Variants in GFRA3 observed in about 807,000 individuals in gnomAD.
GFRA3 encodes GDNF family receptor alpha 3.
GFRA3 carries 24 observed loss-of-function variants against 40.0 expected under a neutral mutation model. The observed-to-expected ratio is 0.60, with a 90% CI of 0.43 to 0.84. The LOEUF (loss-of-function observed/expected upper bound fraction) is 0.84, where lower values mean the gene tolerates loss of function less well. Ranked by LOEUF, GFRA3 falls within the 40% of genes least tolerant of loss-of-function variation. The pLI, the probability that GFRA3 is intolerant of heterozygous loss-of-function variation, is 0.00. For missense variants in GFRA3, 405 were observed against 530.6 expected (o/e 0.76, Z 2.33); for synonymous variants, 203 against 213.5 (o/e 0.95, Z 0.43).
chr5:138,274,353 C>A lies in GFRA3; in HGVS notation c.72G>T (p.Ser24=). 1.5e-6 allele frequency: 2 copies of A among 1,339,778 alleles called. No homozygotes were observed. The highest frequency in any genetic ancestry group is 1.9e-6 in the Non-Finnish European group (2 of 1,040,714). 83.0% of individuals were successfully genotyped at this position (1,339,778 alleles called of 1,614,324 possible). ...ACTCACCGGCTGCGAGAGGCAGCGG[C>A]GACGGCGGCAGCAGCAGCAGCAACA... ...VLMLLLLLPP[S]PLPLAAGDPL... is the part of the protein sequence containing the mutation. Residue 24 remains serine (S), a synonymous_variant, in exon 1 of 8, where the codon TCG becomes TCT. Coordinates refer to ENST00000274721, the MANE Select transcript of GFRA3 (RefSeq NM_001496.4).
At chr5:138,267,951 A>G (rs2126619212) in intron 1 of GFRA3, among the ~76,000 whole-genome samples, 1 of 152,302 alleles carries the variant, frequency 6.6e-6, no homozygotes, top group South Asian at 2.1e-4. Context: ...GGAGAATGAA[A>G]CTGGGTCCTC....
At position 138,253,066 on chromosome 5, in the gene GFRA3, G is replaced by T. The variant is rs773462574; in HGVS notation, c.1114-9C>A. ...ACAGCAGGGTTTTCATTCTGTGGAA[G>T]AAATGGAATGGAGTTAGCTCAGGGG... is the stretch of plus-strand genomic sequence containing the variant. On this transcript the variant is annotated splice_polypyrimidine_tract_variant and intron_variant, in intron 7 of 7. Transcript: ENST00000274721. The T allele has an allele frequency of 3.3e-5, 50 of 1,503,138 alleles. No individual in the cohort carries two copies. In the East Asian group the frequency reaches 1.1e-3, roughly 34 times the overall value. The allele number at this position is 1,503,138 out of a possible 1,614,324, so 93.1% of individuals were successfully genotyped here. A position where few individuals can be genotyped will look rare whatever the true frequency, so the allele number is the denominator to read the frequency against.
intron 4 of GFRA3, 21 bp downstream of exon 4, chr5:138,257,618 C>T: frequency 6.3e-7 from 1 of 1,596,140 alleles, no homozygotes. Flanking sequence ...CCTGCCCACC[C>T]TGTCCTCCCA....
chr5:138,260,000 G>C (rs561276567), intron 2 of GFRA3, among the ~76,000 whole-genome samples: 1 of 152,260 alleles, frequency 6.6e-6, no homozygotes, highest in African/African-American at 2.4e-5. Flanking sequence ...AGAAGCCTCT[G>C]AGGAAGTTCG....
At position 138,257,784 on chromosome 5, in the gene GFRA3, C is replaced by T. The variant is rs1316117660; in HGVS notation, c.640G>A (p.Gly214Ser). ...FEKAAEPHAQ[G>S]LLLCPCAPND... ...GGGGCACATGGGCACAGTAGCAGGC[C>T]CTGCGCGTGGGGCTCGGCGGCCTTC... Residue 214 changes from glycine to serine, a missense_variant, in exon 4 of 8, where the codon GGC (glycine) becomes AGC (serine). By Grantham distance (56) the Gly-to-Ser change is moderately conservative (BLOSUM62 0). Coordinates refer to ENST00000274721, the MANE Select transcript of GFRA3 (RefSeq NM_001496.4). 6.2e-7 allele frequency: 1 copy of T among 1,612,640 alleles called. No individual in the cohort carries two copies.
At chr5:138,260,810 T>C (rs1262084390) in intron 2 of GFRA3, among the ~76,000 whole-genome samples, 1 of 148,350 alleles carries the variant, frequency 6.7e-6, no homozygotes, top group Non-Finnish European at 1.5e-5. Flanking sequence ...GGAATATTCC[T>C]TGAACCTAGG....
Position 138,257,652 on chromosome 5 carries a change from C to A in GFRA3, c.772G>T (p.Asp258Tyr). The change falls in exon 4 of 8, where the codon GAC (aspartate) becomes TAC (tyrosine). Residue 258 changes from aspartate (D) to tyrosine (Y), a missense_variant. Asp to Tyr is a radical substitution (Grantham distance 160). Coordinates refer to ENST00000274721, the MANE Select transcript of GFRA3 (RefSeq NM_001496.4). The stretch of plus-strand genomic sequence containing the variant: ...CAAACTACACACCTGCAAAGCGGGT[C>A]GGAGAAGCAGAGGCGCCGCAGCTCC... ...CLELRRLCFS[D>Y]PLCRSRLVDF... 6.2e-7 allele frequency: 1 copy of A among 1,609,346 alleles called. No homozygotes were observed. Among genetic ancestry groups the A allele is most frequent in the Non-Finnish European group, 8.5e-7 (1 of 1,178,920 alleles).
chr5:138,257,744 C>A lies in GFRA3; in HGVS notation c.680G>T (p.Cys227Phe), dbSNP rs1194546853. 1 of 1,609,798 alleles carries A rather than the reference C, an allele frequency of 6.2e-7. No individual in the cohort carries two copies. The highest frequency in any genetic ancestry group is 2.2e-5 in the East Asian group (1 of 44,798). Residue 227 changes from cysteine (C) to phenylalanine (F), a missense_variant, in exon 4 of 8, where the codon TGC becomes TTC. By Grantham distance (205) the Cys-to-Phe change is radical. Coordinates refer to ENST00000274721, the MANE Select transcript of GFRA3 (RefSeq NM_001496.4). ...GATGGTGTTGCGCCGGCGCTCCCCG[C>A]AGCCCCGGTCGTTGGGGGCACATGG... ...LCPCAPNDRG[C>F]GERRRNTIAP...
In GFRA3 at chr5:138,274,405, G is replaced by T. The variant is rs895960403; in HGVS notation, c.20C>A (p.Pro7Gln). The T allele has an allele frequency of 2.3e-6, 3 of 1,310,332 alleles. No individual in the cohort carries two copies. The highest frequency in any genetic ancestry group is 3.8e-5 in the Admixed American group (1 of 26,616). 81.2% of individuals were successfully genotyped at this position (1,310,332 alleles called of 1,614,324 possible). The change falls in exon 1 of 8, where the codon CCG becomes CAG. Residue 7 changes from proline to glutamine, a missense_variant. Pro to Gln is a moderately conservative substitution (Grantham distance 76, BLOSUM62 -1). Transcript: ENST00000274721. MVRPLN[P>Q]RPLPPVVLML... ...CAGGACTACGGGCGGCAGCGGTCGC[G>T]GGTTCAGGGGGCGCACCATGGCGAG...
intron 1 of GFRA3, among the ~76,000 whole-genome samples, chr5:138,266,249 A>G (rs1221232189): frequency 6.6e-6 from 1 of 152,158 alleles, no homozygotes; most frequent in East Asian, 1.9e-4. Flanking sequence ...GAACCGCCAA[A>G]TTGTTTTTCA....
chr5:138,271,913 T>TTTTG lies in GFRA3; in HGVS notation c.91+2420_91+2421insCAAA, dbSNP rs59830655. 3.5e-4 allele frequency among the ~76,000 whole-genome samples: 19 copies of TTTTG among 54,330 alleles called. 1 individual carries two copies. Among genetic ancestry groups the TTTTG allele is most frequent in the South Asian group, 2.2e-3 (2 of 904 alleles). 35.6% of individuals were successfully genotyped at this position (54,330 alleles called of 152,430 possible). A position where few individuals can be genotyped will look rare whatever the true frequency, so the allele number is the denominator to read the frequency against. On this transcript the variant is annotated intron_variant, in intron 1 of 7. Transcript: ENST00000274721. ...TTCTGTTTTTTTTTTTTTTTTTTTT[T>TTTTG]TGTGTGTGTGTGTGTGTGTGTGTGT...
chr5:138,274,389 G>C lies in GFRA3; in HGVS notation c.36C>G (p.Pro12=). 2 of 1,319,140 alleles carry C rather than the reference G, an allele frequency of 1.5e-6. No homozygotes were observed. Among genetic ancestry groups the C allele is most frequent in the East Asian group, 3.0e-5 (1 of 32,890 alleles). The allele number at this position is 1,319,140 out of a possible 1,614,324, so 81.7% of individuals were successfully genotyped here. A position where few individuals can be genotyped will look rare whatever the true frequency, so the allele number is the denominator to read the frequency against. ...GCAGCAGCAGCAACATCAGGACTAC[G>C]GGCGGCAGCGGTCGCGGGTTCAGGG... ...VRPLNPRPLP[P]VVLMLLLLLP... Residue 12 remains proline, a synonymous_variant, in exon 1 of 8, where the codon CCC becomes CCG. Transcript: ENST00000274721.
At position 138,252,871 on chromosome 5, in the gene GFRA3, CT is replaced by C. The variant is rs1289916637; in HGVS notation, c.*96del. ...CTTCTCCTGTGCCCTCATCTGCGCA[CT>C]GCACCTCCTTCCTGCTGCTGTCCTT... On this transcript the variant is annotated 3_prime_UTR_variant, in exon 8 of 8. Coordinates refer to ENST00000274721, the MANE Select transcript of GFRA3 (RefSeq NM_001496.4). The C allele has an allele frequency of 2.8e-6, 2 of 708,162 alleles. No individual in the cohort carries two copies. Among genetic ancestry groups the C allele is most frequent in the Non-Finnish European group, 5.1e-6 (2 of 391,292 alleles). The allele number at this position is 708,162 out of a possible 1,614,324, so 43.9% of individuals were successfully genotyped here.
Position 138,257,953 on chromosome 5 carries a change from TG to T in GFRA3, c.473-3del, listed in dbSNP as rs772227258. 244 of 1,613,442 alleles carry T rather than the reference TG, an allele frequency of 1.5e-4. No homozygotes were observed. Among genetic ancestry groups the T allele is most frequent in the Admixed American group, 1.7e-4 (10 of 59,956 alleles). On this transcript the variant is annotated splice_polypyrimidine_tract_variant and splice_region_variant and intron_variant, in intron 3 of 7. Coordinates refer to ENST00000274721, the MANE Select transcript of GFRA3 (RefSeq NM_001496.4). The stretch of plus-strand genomic sequence containing the variant: ...CAAACTTGAGGCAGAGGTCTGAGTC[TG>T]GGGGGAAAGGGCACGGAGTCAGTCG...
At chr5:138,271,860 G>T (rs1241144119) in intron 1 of GFRA3, among the ~76,000 whole-genome samples, 1 of 141,644 alleles carries the variant, frequency 7.1e-6, no homozygotes, top group African/African-American at 2.8e-5. Flanking sequence ...TTATAGGCGT[G>T]AGCCACCATT....
At position 138,271,892 on chromosome 5, in the gene GFRA3, G is replaced by GTTTT. The variant is rs772736464; in HGVS notation, c.91+2438_91+2441dup. 3.9e-4 allele frequency among the ~76,000 whole-genome samples: 23 copies of GTTTT among 59,680 alleles called. 1 individual carries two copies. The highest frequency in any genetic ancestry group is 1.1e-3 in the African/African-American group (11 of 10,348). The allele number at this position is 59,680 out of a possible 152,430, so 39.2% of individuals were successfully genotyped here. A position where few individuals can be genotyped will look rare whatever the true frequency, so the allele number is the denominator to read the frequency against. Reference sequence around the variant, plus strand: ...CATTCCCGGCAGTATTTTCTTTTCTGTTTTTTTTTTTTTTTTTTTTTTGTG... The same window carrying GTTTT: ...CATTCCCGGCAGTATTTTCTTTTCTGTTTTTTTTTTTTTTTTTTTTTTTTTTGTG... On this transcript the variant is annotated intron_variant, in intron 1 of 7. Transcript: ENST00000274721.
intron 3 of GFRA3, 35 bp from the exon 4 acceptor site, chr5:138,257,986 C>T: frequency 1.3e-6 from 2 of 1,569,672 alleles, no homozygotes; most frequent in East Asian, 2.2e-5. Context: ...GTCGGCTGGG[C>T]CCTCTGCACG....
chr5:138,264,136 C>T (rs1755748211), intron 2 of GFRA3, 125 bp downstream of exon 2: 1 of 807,482 alleles, frequency 1.2e-6, no homozygotes, highest in Non-Finnish European at 1.9e-6. Context: ...TTCCTGATGT[C>T]AAATGCAGAG....
At chr5:138,262,190 C>T (rs1400647601) in intron 2 of GFRA3, among the ~76,000 whole-genome samples, 2 of 152,132 alleles carry the variant, frequency 1.3e-5, no homozygotes, top group Non-Finnish European at 2.9e-5. Context: ...GCTGAGAATG[C>T]GGCTCAGTCC....
Sources: gnomAD v4.1 joint callset for allele counts (sites outside exome capture counted in the v4.1 genomes callset) on GRCh38, gnomAD v4.1.1 for gene constraint, MANE v1.5 for transcripts, NCBI Gene and HGNC (gene_info 2026-07-23, HGNC 2026-07-21) for gene names.